REDIC1: variants seen among roughly 807,000 people sequenced by gnomAD.
REDIC1 encodes HEI10 Interacting Protein 1.
At chr12:39,670,050 A>G in the REDIC1 span, among the ~76,000 whole-genome samples, 4 of 151,760 alleles carry the variant, frequency 2.6e-5, no homozygotes, top group African/African-American at 9.7e-5. Flanking sequence ...TGCTGCCCCC[A>G]CTGTCCTGCA....
the REDIC1 span, among the ~76,000 whole-genome samples, chr12:39,666,982 G>C: frequency 6.6e-6 from 1 of 151,776 alleles, no homozygotes; most frequent in Non-Finnish European, 1.5e-5. Context: ...TCTTGCTAGC[G>C]GTCCATCAGT....
chr12:39,760,316 T>G, the REDIC1 span: 3 of 1,463,428 alleles, frequency 2.0e-6, no homozygotes, highest in Middle Eastern at 5.3e-4. Flanking sequence ...GTTGGAAAGA[T>G]TACTTGATTT....
chr12:39,644,021 T>A, the REDIC1 span: 2 of 967,214 alleles, frequency 2.1e-6, no homozygotes, highest in Non-Finnish European at 3.0e-6. Flanking sequence ...TGTGGAAAAT[T>A]AATTTTAAAA....
chr12:39,720,650 T>G, the REDIC1 span: 1 of 717,954 alleles, frequency 1.4e-6, no homozygotes, highest in Non-Finnish European at 2.3e-6. Flanking sequence ...CCTGCTTTGA[T>G]TTGTAACTTG....
the REDIC1 span, among the ~76,000 whole-genome samples, chr12:39,733,797 G>C: frequency 1.3e-5 from 2 of 152,210 alleles, no homozygotes; most frequent in Non-Finnish European, 2.9e-5. Context: ...CTGCTGTGCT[G>C]ACAGCAAGAA....
the REDIC1 span, among the ~76,000 whole-genome samples, chr12:39,680,555 GGAAAA>G: frequency 6.6e-6 from 1 of 152,136 alleles, no homozygotes; most frequent in Non-Finnish European, 1.5e-5. Flanking sequence ...CAACCACTAT[GGAAAA>G]CAGTATGGAG....
At chr12:39,764,188 G>A in the REDIC1 span, among the ~76,000 whole-genome samples, 1 of 151,976 alleles carries the variant, frequency 6.6e-6, no homozygotes, top group Non-Finnish European at 1.5e-5. Flanking sequence ...TTCCACCTGG[G>A]GAGATAGCTG....
chr12:39,813,790 A>T, the REDIC1 span, among the ~76,000 whole-genome samples: 3 of 152,220 alleles, frequency 2.0e-5, no homozygotes, highest in Non-Finnish European at 4.4e-5. Flanking sequence ...ATTTGATTTA[A>T]AATTTAAAAT....
the REDIC1 span, among the ~76,000 whole-genome samples, chr12:39,749,032 A>C: frequency 1.3e-5 from 2 of 152,282 alleles, no homozygotes; most frequent in Admixed American, 6.5e-5. Context: ...GAGCAAACAC[A>C]TTCAAAAGCT....
At chr12:39,829,978 A>C in the REDIC1 span, 1 of 1,189,292 alleles carries the variant, frequency 8.4e-7, no homozygotes, top group South Asian at 1.3e-5. Context: ...TATATGCTGC[A>C]AAGTAATGTA....
chr12:39,712,099 T>A, the REDIC1 span, among the ~76,000 whole-genome samples: 1 of 129,038 alleles, frequency 7.7e-6, no homozygotes. Flanking sequence ...CATACATATA[T>A]ACCTGTATAT....
At chr12:39,797,746 A>G in the REDIC1 span, among the ~76,000 whole-genome samples, 3,653 of 38,652 alleles carry the variant, frequency 0.095, 116 homozygotes, top group South Asian at 0.18. Context: ...ACACACACAC[A>G]CACACACACA....
At chr12:39,896,561 CATATATGTATGTATGTGTGT>C in the REDIC1 span, among the ~76,000 whole-genome samples, 1 of 121,230 alleles carries the variant, frequency 8.2e-6, no homozygotes, top group African/African-American at 3.0e-5. Flanking sequence ...TACATGTATA[CATATATGTATGTATGTGTGT>C]ATATATGTAT....
the REDIC1 span, among the ~76,000 whole-genome samples, chr12:39,724,842 A>G: frequency 1.3e-5 from 2 of 152,196 alleles, no homozygotes; most frequent in East Asian, 3.9e-4. Context: ...AATAGAAAAT[A>G]TGAAAGAGCA....
chr12:39,704,014 G>T, the REDIC1 span, among the ~76,000 whole-genome samples: 1 of 152,116 alleles, frequency 6.6e-6, no homozygotes, highest in African/African-American at 2.4e-5. Flanking sequence ...ACATAGGCAT[G>T]GGCAAGGTCA....
chr12:39,748,550 A>G, the REDIC1 span, among the ~76,000 whole-genome samples: 2 of 152,236 alleles, frequency 1.3e-5, no homozygotes, highest in Non-Finnish European at 2.9e-5. Flanking sequence ...AATTGAACTC[A>G]GCTCTGCACC....
the REDIC1 span, among the ~76,000 whole-genome samples, chr12:39,815,449 C>T: frequency 5.6e-3 from 847 of 152,232 alleles, 7 homozygotes; most frequent in African/African-American, 0.02. Context: ...CTATAGGACT[C>T]GTAGGCTGGA....
At chr12:39,668,163 G>A in the REDIC1 span, among the ~76,000 whole-genome samples, 2 of 151,962 alleles carry the variant, frequency 1.3e-5, no homozygotes, top group Non-Finnish European at 2.9e-5. Flanking sequence ...TCCTAGTCTC[G>A]ATGGTCTTTA....
chr12:39,645,035 G>A, the REDIC1 span, among the ~76,000 whole-genome samples: 1 of 151,944 alleles, frequency 6.6e-6, no homozygotes, highest in Non-Finnish European at 1.5e-5. Context: ...ATCTTAGCAA[G>A]GCCTCTTTGT....
Sources: gnomAD v4.1 joint callset for allele counts (sites outside exome capture counted in the v4.1 genomes callset) on GRCh38, gnomAD v4.1.1 for gene constraint, MANE v1.5 for transcripts, NCBI Gene and HGNC (gene_info 2026-07-23, HGNC 2026-07-21) for gene names.